Variants in MTUS1 observed in about 807,000 individuals in gnomAD.
The protein encoded by MTUS1 is microtubule-associated tumor suppressor 1.
A neutral mutation model predicts 120.8 loss-of-function variants in MTUS1; 109 were observed. The observed-to-expected ratio is 0.90, with a 90% CI of 0.77 to 1.06. The LOEUF (loss-of-function observed/expected upper bound fraction) is 1.06. MTUS1 is among the 50% of genes least tolerant of loss of function. The pLI is 0.00. For missense variants in MTUS1, 2,210 were observed against 1,486.3 expected, an observed-to-expected ratio of 1.49 and a Z score of -8.01; for synonymous variants, 737 against 550.5, an observed-to-expected ratio of 1.34 and a Z score of -4.74.
At chr8:17,776,854 T>G (rs2050481441) in intron 1 of MTUS1, among the ~76,000 whole-genome samples, 1 of 152,118 alleles carries the variant, frequency 6.6e-6, no homozygotes. Context: ...AATACAAATT[T>G]AAGGAAATAT....
At position 17,753,709 on chromosome 8, in the gene MTUS1, T is replaced by C. The variant is rs759257994; in HGVS notation, c.2091+8A>G. 1 of 1,564,166 alleles carries C rather than the reference T, an allele frequency of 6.4e-7. No individual in the cohort carries two copies. The highest frequency in any genetic ancestry group is 8.7e-7 in the Non-Finnish European group (1 of 1,153,418). On this transcript the variant is annotated splice_region_variant and intron_variant, in intron 2 of 14. Transcript: ENST00000693296. ...GAAGCATGCAAAAAATATATATATA[T>C]TACTTACCAAAAACAGAGAACCATA... is the stretch of plus-strand genomic sequence containing the variant.
At chr8:17,774,419 G>T (rs779727479) in intron 1 of MTUS1, among the ~76,000 whole-genome samples, 8 of 152,190 alleles carry the variant, frequency 5.3e-5, no homozygotes, top group Non-Finnish European at 8.8e-5. Context: ...GGAAGAAAAT[G>T]AAAGTAAGTT....
At chr8:17,784,632 G>C (rs11986789) in intron 1 of MTUS1, among the ~76,000 whole-genome samples, 7 of 151,946 alleles carry the variant, frequency 4.6e-5, no homozygotes, top group Non-Finnish European at 8.8e-5. Context: ...TAATTTTTAC[G>C]ATTGAGTTCC....
chr8:17,669,661 C>G (rs925580483), intron 8 of MTUS1, among the ~76,000 whole-genome samples: 4 of 152,134 alleles, frequency 2.6e-5, no homozygotes, highest in Non-Finnish European at 5.9e-5. Flanking sequence ...GCCTGGCCAA[C>G]ATGGTGAAAC....
At chr8:17,646,905 T>A in intron 14 of MTUS1, 77 bp downstream of exon 14, 2 of 981,060 alleles carry the variant, frequency 2.0e-6, no homozygotes, top group Non-Finnish European at 3.3e-6. Context: ...GGTGCAGGGG[T>A]AGAGCGTGTC....
intron 3 of MTUS1, among the ~76,000 whole-genome samples, chr8:17,742,928 T>C (rs1387147038): frequency 6.6e-6 from 1 of 152,200 alleles, no homozygotes; most frequent in African/African-American, 2.4e-5. Flanking sequence ...GTGGGTTCTT[T>C]GCAAGATGTT....
intron 9 of MTUS1, 106 bp downstream of exon 9, chr8:17,655,757 A>C (rs1808069083): frequency 1.1e-5 from 10 of 943,490 alleles, no homozygotes; most frequent in Non-Finnish European, 8.4e-6. Flanking sequence ...CATGCTTTTT[A>C]TACCTATTAG....
At chr8:17,728,898 G>T (rs2046386502) in intron 3 of MTUS1, among the ~76,000 whole-genome samples, 2 of 152,080 alleles carry the variant, frequency 1.3e-5, no homozygotes, top group South Asian at 4.2e-4. Context: ...GGAAGCTAGT[G>T]TACCAGCACC....
At chr8:17,669,572 G>A (rs1299877408) in intron 8 of MTUS1, among the ~76,000 whole-genome samples, 1 of 152,186 alleles carries the variant, frequency 6.6e-6, no homozygotes, top group Admixed American at 6.5e-5. Context: ...CAGGCCAGGA[G>A]TGGTGGCTCA....
Position 17,743,689 on chromosome 8 carries a change from G to T in MTUS1, c.2202C>A (p.Ser734=). The change falls in exon 3 of 15, where the codon TCC becomes TCA. Residue 734 remains serine (S), a synonymous_variant. Coordinates refer to ENST00000693296, the MANE Select transcript of MTUS1 (RefSeq NM_001363059.2). Reference sequence around the variant, plus strand: ...TATTGTCACTGTTCCGCCTCAAACAGGAAACAGGGGGCCCCACTTTGGCTT... The same window carrying T: ...TATTGTCACTGTTCCGCCTCAAACATGAAACAGGGGGCCCCACTTTGGCTT... The part of the protein sequence containing the change: ...APKAKVGPPV[S]CLRRNSDNRN... 2 of 1,614,170 alleles carry T rather than the reference G, an allele frequency of 1.2e-6. No individual in the cohort carries two copies. Among genetic ancestry groups the T allele is most frequent in the Non-Finnish European group, 1.7e-6 (2 of 1,180,036 alleles).
At chr8:17,690,906 G>A (rs1816812565) in intron 6 of MTUS1, among the ~76,000 whole-genome samples, 1 of 152,046 alleles carries the variant, frequency 6.6e-6, no homozygotes, top group Admixed American at 6.6e-5. Flanking sequence ...AATCACACCT[G>A]TTGTGTTTCT....
chr8:17,678,594 G>A (rs1408958512), intron 7 of MTUS1, among the ~76,000 whole-genome samples: 1 of 152,102 alleles, frequency 6.6e-6, no homozygotes, highest in African/African-American at 2.4e-5. Context: ...ACATCAGATG[G>A]CTCAGACGTG....
At chr8:17,730,666 G>A (rs1186918017) in intron 3 of MTUS1, among the ~76,000 whole-genome samples, 1 of 152,160 alleles carries the variant, frequency 6.6e-6, no homozygotes, top group Admixed American at 6.5e-5. Flanking sequence ...TAAAAAGGAA[G>A]TTGACACATG....
intron 3 of MTUS1, among the ~76,000 whole-genome samples, chr8:17,726,214 A>G (rs1389641554): frequency 1.3e-5 from 2 of 152,168 alleles, no homozygotes; most frequent in Non-Finnish European, 2.9e-5. Flanking sequence ...CACCACCTGC[A>G]GTTTCACAAG....
intron 2 of MTUS1, among the ~76,000 whole-genome samples, chr8:17,749,159 CA>C (rs2047996304): frequency 6.6e-6 from 1 of 152,134 alleles, no homozygotes. Flanking sequence ...AGCTGACCAG[CA>C]TTAACATCAA....
intron 1 of MTUS1, chr8:17,758,105 G>A (rs1586210962): frequency 6.6e-6 from 1 of 152,058 alleles, no homozygotes; most frequent in African/African-American, 2.4e-5. Flanking sequence ...ATGAGGGAGG[G>A]AAAAAATGCC....
chr8:17,758,672 T>C (rs2048809109), intron 1 of MTUS1, among the ~76,000 whole-genome samples: 1 of 152,234 alleles, frequency 6.6e-6, no homozygotes, highest in African/African-American at 2.4e-5. Flanking sequence ...TAACAGCTAA[T>C]ACTCAGTTAA....
chr8:17,715,907 A>G lies in MTUS1; in HGVS notation c.2450-6T>C. On this transcript the variant is annotated splice_polypyrimidine_tract_variant and splice_region_variant and intron_variant, in intron 4 of 14. Coordinates refer to ENST00000693296, the MANE Select transcript of MTUS1 (RefSeq NM_001363059.2). Reference sequence around the variant, plus strand: ...GATGACAGCGGCATTACCAGCTGTAATAAAACAGAAAAGTACATTTTATTG... The same window carrying G: ...GATGACAGCGGCATTACCAGCTGTAGTAAAACAGAAAAGTACATTTTATTG... 2 of 1,606,462 alleles carry G rather than the reference A, an allele frequency of 1.2e-6. No homozygotes were observed. The highest frequency in any genetic ancestry group is 1.7e-4 in the Middle Eastern group (1 of 6,004).
intron 8 of MTUS1, among the ~76,000 whole-genome samples, chr8:17,667,429 A>C (rs936796479): frequency 6.6e-5 from 10 of 152,240 alleles, no homozygotes; most frequent in African/African-American, 2.4e-4. Context: ...TTAAACCAAA[A>C]TTGTAGATAA....
Sources: allele counts gnomAD v4.1 joint callset (sites outside exome capture counted in the v4.1 genomes callset), GRCh38; gene constraint gnomAD v4.1.1; transcripts MANE v1.5; gene names NCBI Gene and HGNC (gene_info 2026-07-23, HGNC 2026-07-21).